Variants in ARHGAP26 observed in about 807,000 individuals in gnomAD.
ARHGAP26 encodes Rho GTPase activating protein 26.
Under a neutral mutation model 104.8 loss-of-function variants are expected in ARHGAP26, and 38 were observed. The ratio of observed to expected loss-of-function variants is 0.36; its 90% confidence interval spans 0.28 to 0.48. ARHGAP26 has a LOEUF of 0.48. Among genes scored for constraint, ARHGAP26 ranks in the 20% least tolerant of loss-of-function variants. ARHGAP26 has a pLI of 0.99. For missense variants in ARHGAP26, 704 were observed against 947.9 expected, an observed-to-expected ratio of 0.74 and a Z score of 3.38; for synonymous variants, 341 against 340.0, an observed-to-expected ratio of 1.00 and a Z score of -0.03.
intron 13 of ARHGAP26, among the ~76,000 whole-genome samples, chr5:143,039,142 A>G (rs1400196627): frequency 2.6e-5 from 4 of 151,866 alleles, no homozygotes. Context: ...CCTTTGACTC[A>G]TCTATTTACC....
chr5:142,873,725 G>A (rs1318119913), intron 2 of ARHGAP26, among the ~76,000 whole-genome samples: 1 of 152,142 alleles, frequency 6.6e-6, no homozygotes, highest in East Asian at 1.9e-4. Flanking sequence ...AAAGCTTGAA[G>A]TTTTGCAGTG....
At chr5:143,143,766 G>A (rs1056467353) in intron 19 of ARHGAP26, among the ~76,000 whole-genome samples, 2 of 152,190 alleles carry the variant, frequency 1.3e-5, no homozygotes, top group East Asian at 1.9e-4. Flanking sequence ...CACCTGCCAC[G>A]TTAATGGATG....
intron 11 of ARHGAP26, among the ~76,000 whole-genome samples, chr5:142,998,033 C>A (rs1212077509): frequency 6.6e-6 from 1 of 152,120 alleles, no homozygotes; most frequent in Admixed American, 6.5e-5. Flanking sequence ...GAAAATGGAA[C>A]CAGAAGCTTG....
At chr5:143,207,138 T>C in intron 20 of ARHGAP26, 60 bp from the exon 21 acceptor site, 1 of 1,580,286 alleles carries the variant, frequency 6.3e-7, no homozygotes, top group Non-Finnish European at 8.6e-7. Flanking sequence ...CATGACCTCC[T>C]GTGCTCCCAT....
At chr5:142,945,599 T>C (rs983849675) in intron 11 of ARHGAP26, among the ~76,000 whole-genome samples, 1 of 152,236 alleles carries the variant, frequency 6.6e-6, no homozygotes, top group East Asian at 1.9e-4. Flanking sequence ...TTTTGGCAAG[T>C]CAAGAATTTA....
At chr5:143,011,950 T>C (rs941261138) in intron 11 of ARHGAP26, among the ~76,000 whole-genome samples, 1 of 152,224 alleles carries the variant, frequency 6.6e-6, no homozygotes, top group African/African-American at 2.4e-5. Context: ...ACAGTCTCAT[T>C]TGATGTTCAC....
At chr5:143,041,932 G>T (rs1193692661) in intron 14 of ARHGAP26, 42 bp downstream of exon 14, 1 of 1,536,178 alleles carries the variant, frequency 6.5e-7, no homozygotes, top group Admixed American at 1.9e-5. Context: ...CCCTGGATGG[G>T]GGGCCCACTC....
At chr5:143,097,940 T>C (rs1378769159) in intron 17 of ARHGAP26, among the ~76,000 whole-genome samples, 1 of 152,160 alleles carries the variant, frequency 6.6e-6, no homozygotes, top group African/African-American at 2.4e-5. Context: ...TATTTTGTAT[T>C]GGTTGTAAAA....
rs544822145 is a variant in ARHGAP26 at position 142,900,881 on chromosome 5, T to C, written c.598-1054T>C. Among the ~76,000 whole-genome samples, 15 of 152,188 alleles carry C rather than the reference T, an allele frequency of 9.9e-5. No homozygotes were observed. The East Asian group carries it at 1.7e-3, about 18-fold the overall frequency. ...GTCAGAGTGGACCCCTCAGAAAATG[T>C]GGGTCAGCCTTCAGAAGCCGAAGTT... On this transcript the variant is annotated intron_variant, in intron 6 of 22. Coordinates refer to ENST00000645722, the MANE Select transcript of ARHGAP26 (RefSeq NM_001135608.3).
intron 11 of ARHGAP26, among the ~76,000 whole-genome samples, chr5:142,949,079 T>C (rs1157607051): frequency 6.7e-6 from 1 of 148,972 alleles, no homozygotes; most frequent in Non-Finnish European, 1.5e-5. Flanking sequence ...CACTCCAGCC[T>C]GGGTGAAAGA....
At chr5:142,953,440 A>G (rs543301759) in intron 11 of ARHGAP26, among the ~76,000 whole-genome samples, 5 of 152,254 alleles carry the variant, frequency 3.3e-5, no homozygotes, top group Admixed American at 3.3e-4. Context: ...TAAAACTTTC[A>G]TGCAAAAAGT....
chr5:143,216,373 C>T (rs1810356347), intron 22 of ARHGAP26: 1 of 456,862 alleles, frequency 2.2e-6, no homozygotes. Flanking sequence ...CATTAAAGCC[C>T]TTCAGTGGCC....
At chr5:143,075,679 ATTG>A (rs975226048) in intron 17 of ARHGAP26, among the ~76,000 whole-genome samples, 1 of 152,260 alleles carries the variant, frequency 6.6e-6, no homozygotes, top group African/African-American at 2.4e-5. Context: ...CATTTTTAAA[ATTG>A]TTATTAACTT....
intron 17 of ARHGAP26, among the ~76,000 whole-genome samples, chr5:143,090,895 C>G (rs1791326847): frequency 6.6e-6 from 1 of 152,104 alleles, no homozygotes; most frequent in Admixed American, 6.5e-5. Flanking sequence ...TCACTAATGC[C>G]CAGTCTTAGG....
chr5:143,128,132 AAGTG>A (rs1181337089), intron 18 of ARHGAP26, among the ~76,000 whole-genome samples: 2 of 152,158 alleles, frequency 1.3e-5, no homozygotes, highest in Non-Finnish European at 2.9e-5. Context: ...TTTTAGTGAC[AAGTG>A]CTGTGTAAGA....
chr5:143,184,096 C>T (rs1158399582), intron 20 of ARHGAP26, among the ~76,000 whole-genome samples: 1 of 152,190 alleles, frequency 6.6e-6, no homozygotes, highest in Admixed American at 6.5e-5. Flanking sequence ...TGTATGTGTG[C>T]AAATGCTGAC....
At chr5:142,954,452 C>G (rs1768882789) in intron 11 of ARHGAP26, among the ~76,000 whole-genome samples, 1 of 152,178 alleles carries the variant, frequency 6.6e-6, no homozygotes, top group South Asian at 2.1e-4. Context: ...ATTACACTTC[C>G]CACGCAACCT....
chr5:143,217,586 C>T (rs1053110251), intron 22 of ARHGAP26, among the ~76,000 whole-genome samples: 1 of 152,210 alleles, frequency 6.6e-6, no homozygotes, highest in Admixed American at 6.5e-5. Context: ...GTACCTAACA[C>T]AGCACCACTA....
At chr5:143,094,244 A>G (rs1791946091) in intron 17 of ARHGAP26, among the ~76,000 whole-genome samples, 1 of 152,224 alleles carries the variant, frequency 6.6e-6, no homozygotes, top group African/African-American at 2.4e-5. Context: ...ACCACCAAGG[A>G]AATACCTTAC....
Sources: allele counts gnomAD v4.1 joint callset (sites outside exome capture counted in the v4.1 genomes callset), GRCh38; gene constraint gnomAD v4.1.1; transcripts MANE v1.5; gene names NCBI Gene and HGNC (gene_info 2026-07-23, HGNC 2026-07-21).